Variants in SMLR1 observed in about 807,000 individuals in gnomAD.
SMLR1 encodes small leucine rich protein 1.
In SMLR1, 3 loss-of-function variants were observed where a neutral mutation model predicts 6.1. That is an observed-to-expected ratio of 0.49 (90% CI 0.22 to 1.28). SMLR1 has a LOEUF of 1.28. SMLR1 is among the 50% of genes most tolerant of loss of function. The pLI, the probability that SMLR1 is intolerant of heterozygous loss-of-function variation, is 0.19. For synonymous variants in SMLR1, 55 were observed against 53.6 expected (o/e 1.03, Z -0.11); for missense variants, 126 against 124.8 (o/e 1.01, Z -0.05).
At chr6:130,833,851 G>C (rs1447420195) in intron 1 of SMLR1, among the ~76,000 whole-genome samples, 2 of 152,086 alleles carry the variant, frequency 1.3e-5, no homozygotes, top group Admixed American at 1.3e-4. Flanking sequence ...GTGTAGGCCT[G>C]GTCAGGGAAA....
At position 130,836,303 on chromosome 6, in the gene SMLR1, T is replaced by C. The variant is rs1774657474; in HGVS notation, c.*1348T>C. On this transcript the variant is annotated 3_prime_UTR_variant, in exon 2 of 2. Transcript: ENST00000541421. ...TTGCCATATGGAAGGAATAACAATA[T>C]TCTTTCAGTTTTGGGAGAGATCTCT... The C allele has an allele frequency of 6.6e-6, 1 of 152,228 alleles. No individual in the cohort carries two copies. Among genetic ancestry groups the C allele is most frequent in the Non-Finnish European group, 1.5e-5 (1 of 68,022 alleles). The allele number at this position is 152,228 out of a possible 1,614,324, so 9.4% of individuals were successfully genotyped here.
In SMLR1 at chr6:130,834,870, T is replaced by C. The variant is rs887435302; in HGVS notation, c.239T>C (p.Val80Ala). 9.1e-6 allele frequency: 14 copies of C among 1,534,752 alleles called. No individual in the cohort carries two copies. The highest frequency in any genetic ancestry group is 2.0e-5 in the Admixed American group (1 of 50,934). ...IAYFRIKLIE[V>A]NEELSQNCDR... ...TATTAACTAATATTTTTCCTTTCAGTTAATGAAGAACTGTCCCAGAACTGT... is the reference window on the plus strand; with the variant it reads ...TATTAACTAATATTTTTCCTTTCAGCTAATGAAGAACTGTCCCAGAACTGT... Residue 80 changes from valine (V) to alanine (A), a missense_variant and splice_region_variant, in exon 2 of 2, where the codon GTT (valine) becomes GCT (alanine). Val to Ala is a moderately conservative substitution (Grantham distance 64). Transcript: ENST00000541421.
intron 1 of SMLR1, among the ~76,000 whole-genome samples, chr6:130,833,351 C>A (rs1774529371): frequency 6.6e-6 from 1 of 152,136 alleles, no homozygotes. Context: ...ATTTTCAGCT[C>A]TACAATCTGT....
rs1004185222 is a variant in SMLR1 at position 130,836,786 on chromosome 6, G to C, written c.*1831G>C. On this transcript the variant is annotated 3_prime_UTR_variant, in exon 2 of 2. Transcript: ENST00000541421. ...ACGAATTTGTCAAATCCTTTATCCA[G>C]CACAGCTTTACCAAGCAGCTGCACA... The C allele has an allele frequency of 1.3e-5, 2 of 152,148 alleles. No individual in the cohort carries two copies. The highest frequency in any genetic ancestry group is 4.8e-5 in the African/African-American group (2 of 41,426). The allele number at this position is 152,148 out of a possible 1,614,324, so 9.4% of individuals were successfully genotyped here.
chr6:130,836,351 G>A lies in SMLR1; in HGVS notation c.*1396G>A, dbSNP rs1774659117. 6.6e-6 allele frequency: 1 copy of A among 152,162 alleles called. No homozygotes were observed. The highest frequency in any genetic ancestry group is 2.1e-4 in the South Asian group (1 of 4,836). The allele number at this position is 152,162 out of a possible 1,614,324, so 9.4% of individuals were successfully genotyped here. On this transcript the variant is annotated 3_prime_UTR_variant, in exon 2 of 2. Transcript: ENST00000541421. Reference sequence around the variant, plus strand: ...TCTTTTTAGCCCCTGGGGGAAATCAGCTTATGTAAAAATGCTTTCTTTAAC... The same window carrying A: ...TCTTTTTAGCCCCTGGGGGAAATCAACTTATGTAAAAATGCTTTCTTTAAC...
At chr6:130,831,087 C>G (rs1400487419) in intron 1 of SMLR1, among the ~76,000 whole-genome samples, 3 of 152,150 alleles carry the variant, frequency 2.0e-5, no homozygotes, top group Non-Finnish European at 4.4e-5. Context: ...GGATCTGGAC[C>G]CCTTTCCTGT....
In SMLR1 at chr6:130,836,023, G is replaced by A. The variant is rs1774647070; in HGVS notation, c.*1068G>A. ...GCACCTGTTTCAGTAGTGGCTTACA[G>A]TCATACTAAAGGTTGTGTGGATGAC... On this transcript the variant is annotated 3_prime_UTR_variant, in exon 2 of 2. Coordinates refer to ENST00000541421, the MANE Select transcript of SMLR1 (RefSeq NM_001195597.2). 2 of 152,260 alleles carry A rather than the reference G, an allele frequency of 1.3e-5. No homozygotes were observed. The highest frequency in any genetic ancestry group is 4.1e-4 in the South Asian group (2 of 4,820). 9.4% of individuals were successfully genotyped at this position (152,260 alleles called of 1,614,324 possible). A position where few individuals can be genotyped will look rare whatever the true frequency, so the allele number is the denominator to read the frequency against.
Position 130,837,034 on chromosome 6 carries a change from G to C in SMLR1, c.*2079G>C, listed in dbSNP as rs974066463. 6.6e-6 allele frequency: 1 copy of C among 152,070 alleles called. No individual in the cohort carries two copies. Among genetic ancestry groups the C allele is most frequent in the African/African-American group, 2.4e-5 (1 of 41,414 alleles). 9.4% of individuals were successfully genotyped at this position (152,070 alleles called of 1,614,324 possible). On this transcript the variant is annotated 3_prime_UTR_variant, in exon 2 of 2. Transcript: ENST00000541421. Reference sequence around the variant, plus strand: ...TCAATGGTCTCACTACAACAGTTCCGAATCTTATTCCAAATGCTATAGTAT... The same window carrying C: ...TCAATGGTCTCACTACAACAGTTCCCAATCTTATTCCAAATGCTATAGTAT...
At chr6:130,831,940 A>G (rs1454726222) in intron 1 of SMLR1, among the ~76,000 whole-genome samples, 1 of 152,210 alleles carries the variant, frequency 6.6e-6, no homozygotes, top group Non-Finnish European at 1.5e-5. Context: ...CATAAATTTA[A>G]TTAGTATGTA....
At chr6:130,828,854 G>T (rs1308491229) in intron 1 of SMLR1, among the ~76,000 whole-genome samples, 2 of 152,256 alleles carry the variant, frequency 1.3e-5, no homozygotes, top group East Asian at 3.9e-4. Context: ...CCTAAGACCA[G>T]TCTGTTGGAT....
chr6:130,833,269 G>T (rs1269771604), intron 1 of SMLR1, among the ~76,000 whole-genome samples: 1 of 152,038 alleles, frequency 6.6e-6, no homozygotes, highest in East Asian at 1.9e-4. Flanking sequence ...GCTTCCTCTT[G>T]GCCTCTCCAT....
chr6:130,830,661 C>A (rs1774413844), intron 1 of SMLR1, among the ~76,000 whole-genome samples: 1 of 152,114 alleles, frequency 6.6e-6, no homozygotes, highest in South Asian at 2.1e-4. Context: ...TTCTAAGTCA[C>A]AGGATGAGAT....
In SMLR1 at chr6:130,827,582, G is replaced by A; in HGVS notation, c.169G>A (p.Gly57Arg). 1 of 1,535,866 alleles carries A rather than the reference G, an allele frequency of 6.5e-7. No homozygotes were observed. The highest frequency in any genetic ancestry group is 8.7e-7 in the Non-Finnish European group (1 of 1,146,836). The change falls in exon 1 of 2, where the codon GGG becomes AGG. Residue 57 changes from glycine to arginine, a missense_variant. Gly to Arg is a moderately radical substitution (Grantham distance 125). Transcript: ENST00000541421. ...GCTCCCTGGCTGGTTCCTGTTCTTT[G>A]GGGTCTTCCTCCCCGTGACTTTGCT... ...RELPGWFLFFGVFLPVTLLLL... is the reference protein window; with the variant it reads ...RELPGWFLFFRVFLPVTLLLL...
At chr6:130,828,315 A>C (rs1774340729) in intron 1 of SMLR1, among the ~76,000 whole-genome samples, 3 of 152,222 alleles carry the variant, frequency 2.0e-5, no homozygotes, top group African/African-American at 7.2e-5. Context: ...CTATAATTAA[A>C]ATTAATGAAA....
chr6:130,834,230 G>A (rs1458974256), intron 1 of SMLR1, among the ~76,000 whole-genome samples: 2 of 152,062 alleles, frequency 1.3e-5, no homozygotes, highest in African/African-American at 4.8e-5. Flanking sequence ...GCACACAGGT[G>A]GCATACAATA....
rs1267165657 is a variant in SMLR1 at position 130,827,527 on chromosome 6, G to A, written c.114G>A (p.Met38Ile). ...CCGTGGGGTCTGTGTGGTTGGCAAT[G>A]AGCTCTGTGCTGTCAGCTTTCATGA... ...MVPVGSVWLA[M>I]SSVLSAFMRE... The change falls in exon 1 of 2, where the codon ATG becomes ATA. Residue 38 changes from methionine (M) to isoleucine (I), a missense_variant. By Grantham distance (10) the Met-to-Ile change is conservative (BLOSUM62 1). Transcript: ENST00000541421. The A allele has an allele frequency of 1.0e-5, 16 of 1,535,902 alleles. No individual in the cohort carries two copies. In the South Asian group the frequency reaches 1.5e-4, roughly 15 times the overall value.
chr6:130,827,457 C>T lies in SMLR1; in HGVS notation c.44C>T (p.Thr15Ile), dbSNP rs1247108853. ...GRSPRRKQVQ[T>I]QRKAALVLSV... The stretch of plus-strand genomic sequence containing the variant: ...AGCCCCAGAAGAAAACAAGTACAGA[C>T]TCAGAGGAAAGCTGCCCTGGTCCTG... Residue 15 changes from threonine (T) to isoleucine (I), a missense_variant, in exon 1 of 2, where the codon ACT becomes ATT. Transcript: ENST00000541421. 6.5e-7 allele frequency: 1 copy of T among 1,536,022 alleles called. No individual in the cohort carries two copies. Among genetic ancestry groups the T allele is most frequent in the Admixed American group, 2.0e-5 (1 of 50,994 alleles).
intron 1 of SMLR1, among the ~76,000 whole-genome samples, chr6:130,833,038 T>C (rs1485129122): frequency 6.6e-6 from 1 of 152,220 alleles, no homozygotes; most frequent in Non-Finnish European, 1.5e-5. Context: ...ACTGCATTGC[T>C]TGCAGGATTT....
intron 1 of SMLR1, among the ~76,000 whole-genome samples, chr6:130,832,096 T>C (rs1774473462): frequency 6.6e-6 from 1 of 152,158 alleles, no homozygotes; most frequent in South Asian, 2.1e-4. Context: ...CATCAGCCAT[T>C]GTCATGGACA....
Sources: allele counts gnomAD v4.1 joint callset (sites outside exome capture counted in the v4.1 genomes callset), GRCh38; gene constraint gnomAD v4.1.1; transcripts MANE v1.5; gene names NCBI Gene and HGNC (gene_info 2026-07-23, HGNC 2026-07-21).